Variants in FRMD3 observed in about 807,000 individuals in gnomAD.
FRMD3 encodes the protein FERM domain-containing protein 3.
A neutral mutation model predicts 70.2 loss-of-function variants in FRMD3; 33 were observed. That is an observed-to-expected ratio of 0.47 (90% CI 0.36 to 0.63). The LOEUF (loss-of-function observed/expected upper bound fraction) is 0.63, where lower values mean the gene tolerates loss of function less well. FRMD3 is among the 20% of genes least tolerant of loss of function. FRMD3 has a pLI of 0.00. For missense variants in FRMD3, 632 were observed against 711.4 expected (o/e 0.89, Z 1.27); for synonymous variants, 279 against 255.9 (o/e 1.09, Z -0.86).
intron 6 of FRMD3, among the ~76,000 whole-genome samples, chr9:83,319,586 T>G (rs1835716281): frequency 1.3e-5 from 2 of 152,200 alleles, no homozygotes; most frequent in East Asian, 3.8e-4. Flanking sequence ...CAGGTCCAGC[T>G]AATTTTTGTA....
chr9:83,367,687 G>A (rs1205515667), intron 3 of FRMD3, among the ~76,000 whole-genome samples: 1 of 152,192 alleles, frequency 6.6e-6, no homozygotes, highest in Non-Finnish European at 1.5e-5. Context: ...AACAGCAAAT[G>A]TGCTGGAGAT....
At chr9:83,385,447 T>C (rs1391827243) in intron 2 of FRMD3, among the ~76,000 whole-genome samples, 1 of 152,154 alleles carries the variant, frequency 6.6e-6, no homozygotes, top group Non-Finnish European at 1.5e-5. Context: ...GCCCTGGACA[T>C]CAAAATAGCA....
chr9:83,399,722 ATTATAACCACATT>A, intron 1 of FRMD3, among the ~76,000 whole-genome samples: 1 of 152,232 alleles, frequency 6.6e-6, no homozygotes, highest in East Asian at 1.9e-4. Context: ...ATATTTGGTT[ATTATAACCACATT>A]TTTTAATTGT....
At chr9:83,362,864 C>T (rs1408145089) in intron 3 of FRMD3, among the ~76,000 whole-genome samples, 1 of 127,016 alleles carries the variant, frequency 7.9e-6, no homozygotes, top group African/African-American at 2.9e-5. Context: ...CCTTCCTTCC[C>T]TCCCTCCTTC....
At chr9:83,516,427 C>T (rs1240290018) in intron 1 of FRMD3, among the ~76,000 whole-genome samples, 1 of 152,210 alleles carries the variant, frequency 6.6e-6, no homozygotes, top group Admixed American at 6.5e-5. Flanking sequence ...GTTAACTATG[C>T]TAAATATATA....
At chr9:83,474,932 G>C (rs1207492248) in intron 1 of FRMD3, among the ~76,000 whole-genome samples, 1 of 152,082 alleles carries the variant, frequency 6.6e-6, no homozygotes, top group Non-Finnish European at 1.5e-5. Flanking sequence ...ACAGACCTGG[G>C]TATCTAATCT....
chr9:83,320,418 T>A (rs1438533430), intron 6 of FRMD3, among the ~76,000 whole-genome samples: 1 of 152,110 alleles, frequency 6.6e-6, no homozygotes, highest in Non-Finnish European at 1.5e-5. Context: ...GATCATGTGG[T>A]TTTTGTCCTT....
chr9:83,469,089 T>C (rs1828203800), intron 1 of FRMD3, among the ~76,000 whole-genome samples: 1 of 152,156 alleles, frequency 6.6e-6, no homozygotes, highest in African/African-American at 2.4e-5. Context: ...AATGCCCAAC[T>C]ACACAGTAAA....
the FRMD3 span, among the ~76,000 whole-genome samples, chr9:83,550,768 C>T: frequency 6.7e-6 from 1 of 149,724 alleles, no homozygotes; most frequent in Non-Finnish European, 1.5e-5. Context: ...TCTGATTTGG[C>T]TCTCAGTTTG....
intron 13 of FRMD3, among the ~76,000 whole-genome samples, chr9:83,283,392 G>A (rs996535552): frequency 8.6e-5 from 13 of 151,958 alleles, no homozygotes; most frequent in South Asian, 4.2e-4. Context: ...TTAGCCAGGC[G>A]TGGTGGCGGG....
At chr9:83,499,116 G>A (rs1829008243) in intron 1 of FRMD3, among the ~76,000 whole-genome samples, 1 of 152,100 alleles carries the variant, frequency 6.6e-6, no homozygotes, top group African/African-American at 2.4e-5. Flanking sequence ...GACTGGCCAG[G>A]GCACCCAAGC....
chr9:83,283,530 CAAAAAAAA>C (rs765093024), intron 13 of FRMD3, among the ~76,000 whole-genome samples: 27 of 132,250 alleles, frequency 2.0e-4, no homozygotes, highest in Admixed American at 1.8e-3. Flanking sequence ...GAATCCATCT[CAAAAAAAA>C]AAAAAAAAAA....
chr9:83,557,243 C>T, the FRMD3 span, among the ~76,000 whole-genome samples: 1 of 152,120 alleles, frequency 6.6e-6, no homozygotes, highest in South Asian at 2.1e-4. Context: ...AGCAATGGCG[C>T]CATGCAAACT....
intron 6 of FRMD3, among the ~76,000 whole-genome samples, chr9:83,326,006 A>C (rs1464269520): frequency 1.3e-5 from 2 of 152,232 alleles, no homozygotes; most frequent in African/African-American, 4.8e-5. Flanking sequence ...GTTGCAATGA[A>C]GACTGTATGT....
At chr9:83,295,896 G>A (rs1439202855) in intron 12 of FRMD3, among the ~76,000 whole-genome samples, 1 of 152,196 alleles carries the variant, frequency 6.6e-6, no homozygotes, top group Non-Finnish European at 1.5e-5. Flanking sequence ...GAAAACATCA[G>A]AGTTAGCTTC....
the FRMD3 span, among the ~76,000 whole-genome samples, chr9:83,585,440 G>A: frequency 6.6e-6 from 1 of 152,116 alleles, no homozygotes; most frequent in Non-Finnish European, 1.5e-5. Context: ...CTTTTTACCT[G>A]GGCACATTGC....
intron 1 of FRMD3, among the ~76,000 whole-genome samples, chr9:83,524,498 C>T (rs1236592414): frequency 6.6e-6 from 1 of 152,166 alleles, no homozygotes; most frequent in Non-Finnish European, 1.5e-5. Context: ...CATCAATGTG[C>T]TTTTTCTACC....
intron 1 of FRMD3, among the ~76,000 whole-genome samples, chr9:83,446,694 A>G (rs1196672133): frequency 3.3e-5 from 5 of 151,352 alleles, no homozygotes; most frequent in Non-Finnish European, 7.4e-5. Flanking sequence ...TGCGACGTCC[A>G]CACGGAAGAA....
chr9:83,284,060 TA>T (rs1288464147), intron 13 of FRMD3, among the ~76,000 whole-genome samples: 1,636 of 72,510 alleles, frequency 0.023, 50 homozygotes, highest in African/African-American at 0.06. Flanking sequence ...GCTAGGATGT[TA>T]TTTTTTTTTT....
Sources: allele counts gnomAD v4.1 joint callset (sites outside exome capture counted in the v4.1 genomes callset), GRCh38; gene constraint gnomAD v4.1.1; transcripts MANE v1.5; gene names NCBI Gene and HGNC (gene_info 2026-07-23, HGNC 2026-07-21).